Variants in NPHS2 observed in about 807,000 individuals in gnomAD.
The protein encoded by NPHS2 is podocin.
A neutral mutation model predicts 37.1 loss-of-function variants in NPHS2; 36 were observed. The ratio of observed to expected loss-of-function variants is 0.97; its 90% CI spans 0.74 to 1.28. The LOEUF is 1.28. NPHS2 is among the 50% of genes most tolerant of loss of function. The probability of loss-of-function intolerance (pLI) is 0.00; values close to 1 mark genes in which losing one functional copy is unlikely to be tolerated. For synonymous variants in NPHS2, 196 were observed against 189.3 expected, an observed-to-expected ratio of 1.04 and a Z score of -0.29; for missense variants, 447 against 488.1, an observed-to-expected ratio of 0.92 and a Z score of 0.79.
At chr1:179,560,819 A>T (rs969752408) in intron 3 of NPHS2, among the ~76,000 whole-genome samples, 1 of 152,164 alleles carries the variant, frequency 6.6e-6, no homozygotes, top group Non-Finnish European at 1.5e-5. Context: ...TATGGTTAGC[A>T]CAGAGTCTGA....
At position 179,551,266 on chromosome 1, in the gene NPHS2, G is replaced by T. The variant is rs373172860; in HGVS notation, c.1059C>A (p.Pro353=). 3 of 1,614,104 alleles carry T rather than the reference G, an allele frequency of 1.9e-6. No individual in the cohort carries two copies. The highest frequency in any genetic ancestry group is 2.5e-6 in the Non-Finnish European group (3 of 1,180,000). Reference sequence around the variant, plus strand: ...GGAGGCTTCCCTGAGTTCTGTTGCTGGGAGAAGACAGGCAATTCAGTAGGT... The same window carrying T: ...GGAGGCTTCCCTGAGTTCTGTTGCTTGGAGAAGACAGGCAATTCAGTAGGT... ...PFDLLNCLSS[P]SNRTQGSLPF... The change falls in exon 8 of 8, where the codon CCC becomes CCA. Residue 353 remains proline (P), a synonymous_variant. Coordinates refer to ENST00000367615, the MANE Select transcript of NPHS2 (RefSeq NM_014625.4).
chr1:179,556,570 A>G lies in NPHS2; in HGVS notation c.738+457T>C, dbSNP rs1039967195. ...TGGGTAATTCATCATGTAAAGGTCT[A>G]TGACATCTTAGCTTTTGTTATCTGG... On this transcript the variant is annotated intron_variant, in intron 5 of 7. Transcript: ENST00000367615. This position sits in a 1 kb window ranked among gnomAD's most constrained non-coding sequence, Gnocchi z 4.1. Among the ~76,000 whole-genome samples, 1 of 152,226 alleles carries G rather than the reference A, an allele frequency of 6.6e-6. No homozygotes were observed. Among genetic ancestry groups the G allele is most frequent in the Admixed American group, 6.5e-5 (1 of 15,292 alleles).
In NPHS2 at chr1:179,568,733, A is replaced by G. The variant is rs959050433; in HGVS notation, c.275-3940T>C. ...ACATCCTGCTTTAAATGCGTCCCAG[A>G]GATTCTGGTATGTTGTGTCTTTGTT... On this transcript the variant is annotated intron_variant, in intron 1 of 7. Coordinates refer to ENST00000367615, the MANE Select transcript of NPHS2 (RefSeq NM_014625.4). Among the ~76,000 whole-genome samples the G allele has an allele frequency of 2.6e-5, 4 of 152,144 alleles. No homozygotes were observed. The East Asian group carries it at 5.8e-4, about 22-fold the overall frequency.
intron 1 of NPHS2, among the ~76,000 whole-genome samples, chr1:179,571,517 CG>C (rs1674556261): frequency 6.6e-6 from 1 of 152,212 alleles, no homozygotes; most frequent in African/African-American, 2.4e-5. Context: ...TTACACTACA[CG>C]GGGGTCAGGG....
intron 1 of NPHS2, among the ~76,000 whole-genome samples, chr1:179,566,137 T>G (rs569768533): frequency 6.6e-6 from 1 of 151,854 alleles, no homozygotes; most frequent in Non-Finnish European, 1.5e-5. Context: ...CTTGAGGAAT[T>G]GCCACACTGT....
In NPHS2 at chr1:179,564,732, G is replaced by A. The variant is rs1558349005; in HGVS notation, c.336C>T (p.Phe112=). The change falls in exon 2 of 8, where the codon TTC becomes TTT. Residue 112 remains phenylalanine (F), a synonymous_variant. Coordinates refer to ENST00000367615, the MANE Select transcript of NPHS2 (RefSeq NM_014625.4). The part of the protein sequence containing the change: ...EWLLVLISLL[F]IIMTFPFSIW... ...TGGAAAAAGGGAAGGTCATGATGAT[G>A]AAGAGCAGGGAAATGAGGACAAGAA... is the stretch of plus-strand genomic sequence containing the variant. The A allele has an allele frequency of 1.2e-6, 2 of 1,614,154 alleles. No individual in the cohort carries two copies. The highest frequency in any genetic ancestry group is 1.6e-4 in the Middle Eastern group (1 of 6,062).
intron 2 of NPHS2, among the ~76,000 whole-genome samples, chr1:179,561,750 T>G (rs933912701): frequency 2.0e-5 from 3 of 152,160 alleles, no homozygotes; most frequent in Admixed American, 2.0e-4. Context: ...TAATACCACT[T>G]GTGATGTTTT....
intron 1 of NPHS2, among the ~76,000 whole-genome samples, chr1:179,567,008 A>G (rs1253645371): frequency 6.6e-6 from 1 of 152,176 alleles, no homozygotes; most frequent in African/African-American, 2.4e-5. Context: ...TGATGCCTCC[A>G]GCTTTGTTCC....
intron 7 of NPHS2, chr1:179,552,375 C>T (rs1052362388): frequency 1.0e-5 from 6 of 592,320 alleles, no homozygotes; most frequent in South Asian, 3.8e-5. Context: ...AGGTGAGACT[C>T]AAGCAGTGAG....
At chr1:179,554,376 A>G (rs773598807) in intron 6 of NPHS2, 100 bp downstream of exon 6, 54 of 1,381,480 alleles carry the variant, frequency 3.9e-5, no homozygotes, top group Non-Finnish European at 4.8e-5. Context: ...TGATATGGCT[A>G]TAGTACTCAG....
Position 179,552,659 on chromosome 1 carries a change from C to A in NPHS2, c.817G>T (p.Gly273Trp), listed in dbSNP as rs201408880. 4.3e-6 allele frequency: 7 copies of A among 1,613,800 alleles called. No individual in the cohort carries two copies. Among genetic ancestry groups the A allele is most frequent in the Non-Finnish European group, 3.4e-6 (4 of 1,179,924 alleles). ...IEIKDVRLPA[G>W]LQHSLAVEAE... ...TCCACAGCCAGTGAGTGCTGAAGCCCAGCTGGCAACCTCACATCTTTACTG... is the reference window on the plus strand; with the variant it reads ...TCCACAGCCAGTGAGTGCTGAAGCCAAGCTGGCAACCTCACATCTTTACTG... The change falls in exon 7 of 8, where the codon GGG (glycine) becomes TGG (tryptophan). Residue 273 changes from glycine to tryptophan, a missense_variant. Coordinates refer to ENST00000367615, the MANE Select transcript of NPHS2 (RefSeq NM_014625.4).
At chr1:179,551,804 T>G (rs1401977765) in intron 7 of NPHS2, 1 of 286,624 alleles carries the variant, frequency 3.5e-6, no homozygotes, top group South Asian at 4.4e-5. Context: ...GACCCCCAAC[T>G]CAGGGAAAGT....
intron 4 of NPHS2, among the ~76,000 whole-genome samples, chr1:179,559,322 T>A (rs1461424841): frequency 2.0e-5 from 3 of 152,150 alleles, no homozygotes; most frequent in Non-Finnish European, 4.4e-5. Flanking sequence ...TTTGGCCAAA[T>A]ATAGGTCAAA....
chr1:179,567,579 C>T (rs1210390750), intron 1 of NPHS2, among the ~76,000 whole-genome samples: 2 of 152,112 alleles, frequency 1.3e-5, no homozygotes, highest in African/African-American at 4.8e-5. Flanking sequence ...GCCTGATTGC[C>T]CTGGCCAGAA....
chr1:179,553,201 G>T (rs1009338320), intron 6 of NPHS2, among the ~76,000 whole-genome samples: 4 of 152,174 alleles, frequency 2.6e-5, no homozygotes, highest in African/African-American at 9.7e-5. Context: ...CAGGTTAGCT[G>T]CCCCTCAAAA....
At chr1:179,565,792 T>C (rs950362368) in intron 1 of NPHS2, among the ~76,000 whole-genome samples, 1 of 149,398 alleles carries the variant, frequency 6.7e-6, no homozygotes, top group East Asian at 2.1e-4. Context: ...TCATTGTTCA[T>C]TTCCCATCTA....
intron 2 of NPHS2, among the ~76,000 whole-genome samples, chr1:179,563,818 G>A (rs1483090455): frequency 2.0e-5 from 3 of 152,170 alleles, no homozygotes; most frequent in Admixed American, 6.5e-5. Flanking sequence ...AAAATGGGGA[G>A]GGAAAGGTGA....
chr1:179,557,314 G>T, intron 4 of NPHS2, 84 bp from the exon 5 acceptor site: 1 of 1,097,090 alleles, frequency 9.1e-7, no homozygotes, highest in Non-Finnish European at 1.4e-6. Flanking sequence ...TGTGTTCAAA[G>T]TGAATTTTCT....
chr1:179,559,933 A>G (rs1047748480), intron 3 of NPHS2, among the ~76,000 whole-genome samples, 172 bp from the exon 4 acceptor site: 3 of 152,110 alleles, frequency 2.0e-5, no homozygotes, highest in Non-Finnish European at 4.4e-5. Flanking sequence ...ATTATATATT[A>G]TAATATGTAA....
Sources: allele counts gnomAD v4.1 joint callset (sites outside exome capture counted in the v4.1 genomes callset), GRCh38; gene constraint gnomAD v4.1.1; non-coding constraint Gnocchi (gnomAD v3.1); transcripts MANE v1.5; gene names NCBI Gene and HGNC (gene_info 2026-07-23, HGNC 2026-07-21).